Variants in TAFA2 observed in about 807,000 individuals in gnomAD.
TAFA2 encodes the protein TAFA chemokine like family member 2.
Under a neutral mutation model 18.8 loss-of-function variants are expected in TAFA2, and 7 were observed. The ratio of observed to expected loss-of-function variants is 0.37; its 90% CI spans 0.21 to 0.70. TAFA2 has a LOEUF of 0.70. Ranked by LOEUF, TAFA2 falls within the 30% of genes least tolerant of loss-of-function variation. TAFA2 has a pLI of 0.53. For synonymous variants in TAFA2, 60 were observed against 54.2 expected, an observed-to-expected ratio of 1.11 and a Z score of -0.47; for missense variants, 122 against 158.1, an observed-to-expected ratio of 0.77 and a Z score of 1.23.
chr12:61,746,422 A>G (rs2120723364), intron 4 of TAFA2, among the ~76,000 whole-genome samples: 1 of 152,208 alleles, frequency 6.6e-6, no homozygotes, highest in Admixed American at 6.6e-5. Flanking sequence ...TAATACACAA[A>G]GAAACAGTCA....
At chr12:62,211,946 T>G (rs1164327041) in intron 1 of TAFA2, among the ~76,000 whole-genome samples, 1 of 152,348 alleles carries the variant, frequency 6.6e-6, no homozygotes, top group South Asian at 2.1e-4. Flanking sequence ...AGAACAATTA[T>G]AGTAACTATT....
chr12:62,118,228 T>G (rs895472892), intron 1 of TAFA2, among the ~76,000 whole-genome samples: 7 of 152,266 alleles, frequency 4.6e-5, no homozygotes, highest in African/African-American at 1.7e-4. Context: ...CTCTATAAAA[T>G]GGTATCATTA....
intron 1 of TAFA2, among the ~76,000 whole-genome samples, chr12:61,927,296 G>A (rs1488080795): frequency 6.6e-6 from 1 of 152,090 alleles, no homozygotes. Flanking sequence ...GCCTTAAGCT[G>A]ATAAGCAACT....
intron 2 of TAFA2, among the ~76,000 whole-genome samples, chr12:61,770,441 T>C (rs1869977685): frequency 6.6e-6 from 1 of 152,108 alleles, no homozygotes; most frequent in Non-Finnish European, 1.5e-5. Context: ...GTCATCAGGT[T>C]ATCCAAAGCC....
chr12:62,146,257 G>C (rs997033092), intron 1 of TAFA2, among the ~76,000 whole-genome samples: 1 of 147,840 alleles, frequency 6.8e-6, no homozygotes, highest in Non-Finnish European at 1.5e-5. Context: ...AGGTTGCTTT[G>C]CCTTCAAAGC....
chr12:62,072,003 A>G (rs182244079), intron 1 of TAFA2, among the ~76,000 whole-genome samples: 1 of 152,240 alleles, frequency 6.6e-6, no homozygotes, highest in South Asian at 2.1e-4. Context: ...CAAGGCAACT[A>G]AACTTCTTAC....
intron 4 of TAFA2, chr12:61,720,743 T>C (rs1869856601): frequency 1.1e-5 from 4 of 371,196 alleles, no homozygotes; most frequent in Non-Finnish European, 2.1e-5. Context: ...AATCTTTACT[T>C]CTCAATGAAA....
At chr12:61,733,549 T>C (rs1360256556) in intron 4 of TAFA2, among the ~76,000 whole-genome samples, 2 of 149,640 alleles carry the variant, frequency 1.3e-5, no homozygotes, top group African/African-American at 4.9e-5. Flanking sequence ...CCATTGCTTG[T>C]TTTTGTCAGG....
At chr12:61,781,433 T>C (rs1870498740) in intron 2 of TAFA2, among the ~76,000 whole-genome samples, 2 of 151,936 alleles carry the variant, frequency 1.3e-5, no homozygotes, top group South Asian at 2.1e-4. Flanking sequence ...TTAGTGAAGA[T>C]GTTTGTTTTA....
chr12:61,776,297 AG>A, intron 2 of TAFA2: 1 of 191,004 alleles, frequency 5.2e-6, no homozygotes, highest in South Asian at 9.7e-5. Flanking sequence ...AAAGGTACCT[AG>A]GTTCACCTGA....
intron 2 of TAFA2, among the ~76,000 whole-genome samples, chr12:61,763,110 T>C (rs1592372957): frequency 6.6e-6 from 1 of 152,044 alleles, no homozygotes; most frequent in South Asian, 2.1e-4. Context: ...AGCAATCTAA[T>C]TAACAGAAAT....
intron 1 of TAFA2, among the ~76,000 whole-genome samples, chr12:62,114,877 G>A (rs1457426660): frequency 1.3e-5 from 2 of 152,014 alleles, no homozygotes; most frequent in African/African-American, 4.8e-5. Flanking sequence ...AGCACCAAGG[G>A]TCCCCAAAGA....
At chr12:61,773,612 C>T (rs753900609) in intron 2 of TAFA2, among the ~76,000 whole-genome samples, 11 of 151,852 alleles carry the variant, frequency 7.2e-5, no homozygotes, top group Non-Finnish European at 1.2e-4. Context: ...GGAGAGAGGA[C>T]ACCCTTTTCA....
chr12:61,754,464 CAT>C (rs1368349785), intron 3 of TAFA2, among the ~76,000 whole-genome samples: 1 of 151,714 alleles, frequency 6.6e-6, no homozygotes, highest in East Asian at 2.0e-4. Flanking sequence ...AATGTTCACT[CAT>C]ATACATGGTG....
chr12:61,836,756 T>TATATATATATATACACAC (rs68158949), intron 2 of TAFA2, among the ~76,000 whole-genome samples: 8 of 119,848 alleles, frequency 6.7e-5, no homozygotes, highest in African/African-American at 2.2e-4. Flanking sequence ...TATATATATA[T>TATATATATATATACACAC]ACACACACAC....
At chr12:61,749,307 C>G (rs1312082832) in intron 4 of TAFA2, among the ~76,000 whole-genome samples, 1 of 151,808 alleles carries the variant, frequency 6.6e-6, no homozygotes, top group Non-Finnish European at 1.5e-5. Context: ...AATAACATAA[C>G]TGTACACTAC....
chr12:61,767,217 T>C (rs546953332), intron 2 of TAFA2, among the ~76,000 whole-genome samples: 1 of 152,276 alleles, frequency 6.6e-6, no homozygotes, highest in East Asian at 1.9e-4. Context: ...TTGATTTTGG[T>C]CCTAACTGGT....
chr12:61,831,292 A>G (rs928562963), intron 2 of TAFA2, among the ~76,000 whole-genome samples: 1 of 152,088 alleles, frequency 6.6e-6, no homozygotes, highest in Non-Finnish European at 1.5e-5. Context: ...CAGTTTATGG[A>G]CCATACAGGA....
At chr12:61,778,641 G>T (rs1014522191) in intron 2 of TAFA2, among the ~76,000 whole-genome samples, 11 of 151,860 alleles carry the variant, frequency 7.2e-5, no homozygotes, top group African/African-American at 2.7e-4. Flanking sequence ...TTATGACATA[G>T]CTTGAAAACT....
Sources: allele counts gnomAD v4.1 joint callset (sites outside exome capture counted in the v4.1 genomes callset), GRCh38; gene constraint gnomAD v4.1.1; transcripts MANE v1.5; gene names NCBI Gene and HGNC (gene_info 2026-07-23, HGNC 2026-07-21).